Variants in SPINK13 observed in about 807,000 individuals in gnomAD.
SPINK13 encodes the protein serine peptidase inhibitor Kazal type 13.
SPINK13 carries 11 observed loss-of-function variants against 11.0 expected under a neutral mutation model. The observed-to-expected ratio is 1.00, with a 90% CI of 0.63 to 1.65. The LOEUF (loss-of-function observed/expected upper bound fraction) is 1.65, where lower values mean the gene tolerates loss of function less well. Among genes scored for constraint, SPINK13 ranks in the 40% most tolerant of loss-of-function variants. The pLI, the probability that SPINK13 is intolerant of heterozygous loss-of-function variation, is 0.00. For missense variants in SPINK13, 113 were observed against 117.7 expected (o/e 0.96, Z 0.19); for synonymous variants, 31 against 35.6 (o/e 0.87, Z 0.46).
At chr5:148,273,310 G>A (rs1756377926) in intron 2 of SPINK13, among the ~76,000 whole-genome samples, 1 of 151,556 alleles carries the variant, frequency 6.6e-6, no homozygotes. Flanking sequence ...AAATGCATCT[G>A]TGTTTTCTGT....
intron 3 of SPINK13, among the ~76,000 whole-genome samples, chr5:148,275,983 C>T (rs746384670): frequency 1.1e-4 from 16 of 152,102 alleles, no homozygotes; most frequent in Middle Eastern, 3.4e-3. Context: ...TTTTAATGAT[C>T]GCCATTCTAA....
intron 4 of SPINK13, among the ~76,000 whole-genome samples, chr5:148,282,699 C>T (rs977350513): frequency 3.3e-5 from 5 of 152,172 alleles, no homozygotes; most frequent in East Asian, 1.9e-4. Context: ...GATACACACA[C>T]GAGTAGCAAA....
intron 3 of SPINK13, among the ~76,000 whole-genome samples, chr5:148,281,206 T>C (rs1252860205): frequency 6.6e-6 from 1 of 152,202 alleles, no homozygotes; most frequent in Non-Finnish European, 1.5e-5. Context: ...CCAGTGGATC[T>C]TAGCTTGCTG....
intron 1 of SPINK13, among the ~76,000 whole-genome samples, chr5:148,269,249 T>C (rs1756311158): frequency 6.6e-6 from 1 of 152,214 alleles, no homozygotes; most frequent in Non-Finnish European, 1.5e-5. Context: ...TATCAGTTGA[T>C]TCTTTCAATA....
chr5:148,283,615 A>G (rs762663348), intron 4 of SPINK13, among the ~76,000 whole-genome samples: 8 of 152,218 alleles, frequency 5.3e-5, no homozygotes, highest in Non-Finnish European at 8.8e-5. Context: ...ATGTAAGTTA[A>G]CCAGGTCTCT....
At chr5:148,272,860 C>T (rs1756371132) in intron 2 of SPINK13, among the ~76,000 whole-genome samples, 1 of 152,144 alleles carries the variant, frequency 6.6e-6, no homozygotes, top group Non-Finnish European at 1.5e-5. Flanking sequence ...ATACATTGAA[C>T]TCTAATTTGT....
chr5:148,279,599 A>T (rs922119732), intron 3 of SPINK13, among the ~76,000 whole-genome samples: 1 of 152,140 alleles, frequency 6.6e-6, no homozygotes, highest in Non-Finnish European at 1.5e-5. Flanking sequence ...AGAATGTTGA[A>T]CATTGGCCCC....
At chr5:148,283,627 C>T (rs1032681628) in intron 4 of SPINK13, among the ~76,000 whole-genome samples, 2 of 152,208 alleles carry the variant, frequency 1.3e-5, no homozygotes, top group African/African-American at 4.8e-5. Flanking sequence ...CAGGTCTCTA[C>T]TGTTGGCTCT....
intron 3 of SPINK13, 110 bp downstream of exon 3, chr5:148,274,494 TTC>T: frequency 1.2e-6 from 1 of 854,968 alleles, no homozygotes; most frequent in Non-Finnish European, 1.8e-6. Context: ...ATGCCTGTAA[TTC>T]CAGAACTTAG....
intron 3 of SPINK13, 102 bp from the exon 4 acceptor site, chr5:148,282,002 G>A (rs1756522652): frequency 6.8e-7 from 1 of 1,468,020 alleles, no homozygotes; most frequent in Admixed American, 1.9e-5. Flanking sequence ...TCAATTGACT[G>A]GTATGATTTA....
rs75326784 is a variant in SPINK13, at chr5:148,284,641, C to T, written c.237-1359C>T. ...TATATCTCGGGGCAAGAAGAATAGT[C>T]CTAATGCTCTTTTGAACAATAGGAG... On this transcript the variant is annotated intron_variant, in intron 4 of 4. Coordinates refer to ENST00000398450, the MANE Select transcript of SPINK13 (RefSeq NM_001040129.3). Among the ~76,000 whole-genome samples, 168 of 152,154 alleles carry T rather than the reference C, an allele frequency of 1.1e-3. 1 individual carries two copies. In the East Asian group the frequency reaches 0.022, roughly 20 times the overall value.
At position 148,270,143 on chromosome 5, in the gene SPINK13, G is replaced by C; in HGVS notation, c.70+1G>C. ...ACTTTGACACATGTGGCTTTCTCAG[G>C]TGAGTAACCTAAGAGGTTTTGGGAG... On this transcript the variant is annotated splice_donor_variant, in intron 2 of 4. Transcript: ENST00000398450. LOFTEE classifies it high-confidence loss of function. The C allele has an allele frequency of 6.2e-7, 1 of 1,613,890 alleles. No individual in the cohort carries two copies. Among genetic ancestry groups the C allele is most frequent in the Non-Finnish European group, 8.5e-7 (1 of 1,179,828 alleles).
At chr5:148,278,236 A>AT (rs1385451361) in intron 3 of SPINK13, among the ~76,000 whole-genome samples, 5 of 152,054 alleles carry the variant, frequency 3.3e-5, no homozygotes, top group East Asian at 3.9e-4. Context: ...AGATTCATTG[A>AT]TTTTTTGAAG....
intron 3 of SPINK13, 59 bp downstream of exon 3, chr5:148,274,443 G>A (rs974178522): frequency 9.9e-6 from 14 of 1,418,450 alleles, no homozygotes; most frequent in African/African-American, 1.4e-5. Flanking sequence ...CTCCAGACAT[G>A]AGAGATCTAA....
intron 4 of SPINK13, among the ~76,000 whole-genome samples, chr5:148,284,138 C>T: frequency 7.4e-6 from 1 of 135,360 alleles, no homozygotes; most frequent in East Asian, 2.6e-4. Flanking sequence ...TCTCTTCCTT[C>T]ATCAATTCCT....
intron 3 of SPINK13, among the ~76,000 whole-genome samples, chr5:148,281,814 T>G (rs2113374486): frequency 6.6e-6 from 1 of 152,294 alleles, no homozygotes; most frequent in African/African-American, 2.4e-5. Flanking sequence ...CTCTAGAAGT[T>G]CACAAACACA....
At chr5:148,275,147 C>G (rs1223284756) in intron 3 of SPINK13, among the ~76,000 whole-genome samples, 1 of 152,120 alleles carries the variant, frequency 6.6e-6, no homozygotes, top group Non-Finnish European at 1.5e-5. Context: ...CCCCGCTCCC[C>G]CAACAGGCTC....
At chr5:148,280,349 TGGA>T (rs1205325426) in intron 3 of SPINK13, among the ~76,000 whole-genome samples, 1 of 152,178 alleles carries the variant, frequency 6.6e-6, no homozygotes, top group African/African-American at 2.4e-5. Context: ...TGTGATCCTT[TGGA>T]GGAGAAGAGG....
At chr5:148,284,968 T>C (rs147352981) in intron 4 of SPINK13, among the ~76,000 whole-genome samples, 52 of 152,322 alleles carry the variant, frequency 3.4e-4, no homozygotes, top group African/African-American at 1.3e-3. Flanking sequence ...AACATATGCA[T>C]GCAAAGTTGA....
Sources: allele counts gnomAD v4.1 joint callset (sites outside exome capture counted in the v4.1 genomes callset), GRCh38; gene constraint gnomAD v4.1.1; transcripts MANE v1.5; gene names NCBI Gene and HGNC (gene_info 2026-07-23, HGNC 2026-07-21).